The following MPPED1 variants were observed in gnomAD, a reference collection of about 807,000 sequenced individuals.
MPPED1 encodes metallophosphoesterase domain-containing protein 1.
MPPED1 carries 16 observed loss-of-function variants against 36.2 expected under a neutral mutation model. The ratio of observed to expected loss-of-function variants is 0.44; its 90% CI spans 0.30 to 0.67. The LOEUF is 0.67. Ranked by LOEUF, MPPED1 falls within the 30% of genes least tolerant of loss-of-function variation. The probability of loss-of-function intolerance (pLI) is 0.10; values close to 1 mark genes in which losing one functional copy is unlikely to be tolerated. For missense variants in MPPED1, 307 were observed against 453.4 expected (o/e 0.68, Z 2.93); for synonymous variants, 199 against 191.3 (o/e 1.04, Z -0.33).
chr22:43,500,013 G>GCGA (rs1569091465), intron 5 of MPPED1, among the ~76,000 whole-genome samples: 27 of 91,108 alleles, frequency 3.0e-4, no homozygotes, highest in Non-Finnish European at 4.0e-4. Context: ...GGTGGTGATG[G>GCGA]TGGAGGTGGT....
At position 43,444,279 on chromosome 22, in the gene MPPED1, GGT is replaced by G. The variant is rs35340638; in HGVS notation, c.406+9105_406+9106del. ...TTGGAAATGAAATGAGACCCACTGG[GGT>G]GTGTGTGTGTGTGTGTGTGTGTGTG... On this transcript the variant is annotated intron_variant, in intron 3 of 6. Transcript: ENST00000443721. Among the ~76,000 whole-genome samples, 408 of 141,998 alleles carry G rather than the reference GGT, an allele frequency of 2.9e-3. 4 individuals are homozygous for G. The highest frequency in any genetic ancestry group is 0.028 in the Middle Eastern group (8 of 284). 93.2% of individuals were successfully genotyped at this position (141,998 alleles called of 152,430 possible).
chr22:43,450,884 G>A (rs763478849), intron 3 of MPPED1, among the ~76,000 whole-genome samples: 7 of 150,706 alleles, frequency 4.6e-5, no homozygotes, highest in East Asian at 3.9e-4. Context: ...GTGCCACCAC[G>A]CCTAGCTAAT....
Position 43,505,602 on chromosome 22 carries a change from C to T in MPPED1, c.967C>T (p.Pro323Ser), listed in dbSNP as rs746717404. Residue 323 changes from proline (P) to serine (S), a missense_variant, in exon 7 of 7, where the codon CCC becomes TCC. Physicochemically the swap from Pro to Ser is moderately conservative, Grantham distance 74 (BLOSUM62 -1). Transcript: ENST00000443721. ...GCCCATAGTCATCGACCTCCCCACA[C>T]CCCGGAACTCCTGACTGCTCCCCAC... ...NPPIVIDLPTPRNS is the reference protein window; with the variant it reads ...NPPIVIDLPTSRNS The T allele has an allele frequency of 5.0e-6, 8 of 1,610,150 alleles. No homozygotes were observed. Among genetic ancestry groups the T allele is most frequent in the South Asian group, 2.2e-5 (2 of 89,978 alleles).
rs565553280 is a variant in MPPED1 at position 43,442,828 on chromosome 22, G to A, written c.406+7613G>A. 2.0e-4 allele frequency among the ~76,000 whole-genome samples: 30 copies of A among 152,306 alleles called. No homozygotes were observed. The South Asian group carries it at 6.2e-3, about 32-fold the overall frequency. ...AACTCAGCCCCTCCTGGCACTTAGGGCCCTGCCGGTTCACGTACCTCCCAG... is the reference window on the plus strand; with the variant it reads ...AACTCAGCCCCTCCTGGCACTTAGGACCCTGCCGGTTCACGTACCTCCCAG... On this transcript the variant is annotated intron_variant, in intron 3 of 6. Transcript: ENST00000443721.
chr22:43,473,784 G>T (rs1931454659), intron 3 of MPPED1, among the ~76,000 whole-genome samples: 1 of 152,154 alleles, frequency 6.6e-6, no homozygotes, highest in Non-Finnish European at 1.5e-5. Context: ...CAGCCTGGTG[G>T]GTGAGGCCTG....
intron 4 of MPPED1, among the ~76,000 whole-genome samples, chr22:43,486,436 G>C (rs1194176108): frequency 6.6e-6 from 1 of 152,142 alleles, no homozygotes; most frequent in Non-Finnish European, 1.5e-5. Context: ...CTTGGCCTTG[G>C]GGGAAGGAGA....
intron 2 of MPPED1, among the ~76,000 whole-genome samples, chr22:43,430,812 C>A (rs12628226): frequency 0.065 from 9,914 of 151,864 alleles, 491 homozygotes; most frequent in African/African-American, 0.14. Context: ...GTTTAAATTC[C>A]ACTCTTTAAC....
At chr22:43,479,013 G>T (rs570628377) in intron 4 of MPPED1, among the ~76,000 whole-genome samples, 1 of 152,154 alleles carries the variant, frequency 6.6e-6, no homozygotes, top group Non-Finnish European at 1.5e-5. Flanking sequence ...CTGTATTCAC[G>T]GCTGAAGAAC....
chr22:43,484,952 C>T (rs995413410), intron 4 of MPPED1, among the ~76,000 whole-genome samples: 2 of 152,322 alleles, frequency 1.3e-5, no homozygotes, highest in African/African-American at 2.4e-5. Flanking sequence ...CAGTTACATT[C>T]TGATGGAGGC....
At chr22:43,473,796 C>T (rs936470223) in intron 3 of MPPED1, among the ~76,000 whole-genome samples, 9 of 152,084 alleles carry the variant, frequency 5.9e-5, no homozygotes, top group African/African-American at 7.2e-5. Context: ...TGAGGCCTGC[C>T]GGGCAGCTGC....
rs568929744 is a variant in MPPED1 at position 43,425,024 on chromosome 22, G to A, written c.39G>A (p.Ala13=). The A allele has an allele frequency of 2.7e-4, 428 of 1,609,898 alleles. 5 individuals carry two copies. In the South Asian group the frequency reaches 3.8e-3, roughly 14 times the overall value. Residue 13 remains alanine, a synonymous_variant, in exon 2 of 7, where the codon GCG becomes GCA. Coordinates refer to ENST00000443721, the MANE Select transcript of MPPED1 (RefSeq NM_001044370.2). ...RSRWDASVLK[A]EALALLPCGL... is the part of the protein sequence containing the mutation. Reference sequence around the variant, plus strand: ...GGTGGGATGCCAGCGTCCTGAAGGCGGAGGCCCTGGCCCTCCTCCCCTGCG... The same window carrying A: ...GGTGGGATGCCAGCGTCCTGAAGGCAGAGGCCCTGGCCCTCCTCCCCTGCG...
intron 4 of MPPED1, among the ~76,000 whole-genome samples, chr22:43,490,199 C>A (rs1348870489): frequency 6.6e-6 from 1 of 152,234 alleles, no homozygotes; most frequent in Non-Finnish European, 1.5e-5. Flanking sequence ...CCAGATCCTG[C>A]AGGCAAGTCT....
rs1401042669 is a variant in MPPED1 at position 43,486,057 on chromosome 22, C to T, written c.632+11096C>T. ...GAGGGGTCAGGGCAAACCCCTCTCA[C>T]CAGGACTGGGCAGAGGACAGAGGAA... is the stretch of plus-strand genomic sequence containing the variant. On this transcript the variant is annotated intron_variant, in intron 4 of 6. Coordinates refer to ENST00000443721, the MANE Select transcript of MPPED1 (RefSeq NM_001044370.2). Among the ~76,000 whole-genome samples, 6 of 152,238 alleles carry T rather than the reference C, an allele frequency of 3.9e-5. 1 individual carries two copies. The highest frequency in any genetic ancestry group is 7.3e-5 in the Non-Finnish European group (5 of 68,044).
intron 4 of MPPED1, among the ~76,000 whole-genome samples, chr22:43,490,298 C>T (rs190491466): frequency 1.1e-4 from 17 of 152,336 alleles, no homozygotes; most frequent in African/African-American, 3.4e-4. Flanking sequence ...ATTCCAGACC[C>T]GCTGCCCTGT....
intron 5 of MPPED1, among the ~76,000 whole-genome samples, chr22:43,500,601 T>C (rs1932704444): frequency 6.6e-6 from 1 of 151,842 alleles, no homozygotes; most frequent in Non-Finnish European, 1.5e-5. Flanking sequence ...TGAAGTTCAG[T>C]CTCCCAGCAG....
intron 3 of MPPED1, among the ~76,000 whole-genome samples, chr22:43,439,195 G>C (rs1426593785): frequency 6.6e-6 from 1 of 152,232 alleles, no homozygotes; most frequent in Admixed American, 6.5e-5. Context: ...CCGGCTTCTA[G>C]CTGGGTCTGC....
rs1296112018 is a variant in MPPED1, at chr22:43,474,655, C to T, written c.407-81C>T. The T allele has an allele frequency of 1.1e-5, 17 of 1,569,674 alleles. No individual in the cohort carries two copies. The highest frequency in any genetic ancestry group is 7.9e-5 in the South Asian group (7 of 89,146). On this transcript the variant is annotated intron_variant, in intron 3 of 6. Coordinates refer to ENST00000443721, the MANE Select transcript of MPPED1 (RefSeq NM_001044370.2). The surrounding 1 kb of genome is among the most constrained non-coding windows in gnomAD (Gnocchi z 5.2). The stretch of plus-strand genomic sequence containing the variant: ...GGAGTTCATGCAGCTTCCTCCTGCC[C>T]GCCCCTCTCTCAGCCGTGCTGTGGC...
intron 4 of MPPED1, among the ~76,000 whole-genome samples, chr22:43,479,749 A>G (rs28529216): frequency 6.6e-6 from 1 of 152,236 alleles, no homozygotes. Context: ...CTTGATATTG[A>G]GGGCTTTACA....
chr22:43,422,697 C>A (rs766666301), intron 1 of MPPED1, among the ~76,000 whole-genome samples: 3 of 152,102 alleles, frequency 2.0e-5, no homozygotes, highest in Non-Finnish European at 4.4e-5. Context: ...CCTCAATATG[C>A]AAGGATCAAA....
Sources: gnomAD v4.1 joint callset for allele counts (sites outside exome capture counted in the v4.1 genomes callset) on GRCh38, gnomAD v4.1.1 for gene constraint, Gnocchi (gnomAD v3.1) non-coding constraint, MANE v1.5 for transcripts, NCBI Gene and HGNC (gene_info 2026-07-23, HGNC 2026-07-21) for gene names.